Variants in SUMF1 observed in about 807,000 individuals in gnomAD.
SUMF1 encodes the protein formylglycine-generating enzyme.
In SUMF1, 48 loss-of-function variants were observed where a neutral mutation model predicts 47.6. The observed-to-expected ratio is 1.01, with a 90% CI of 0.80 to 1.28. The LOEUF (loss-of-function observed/expected upper bound fraction) is 1.28, where lower values mean the gene tolerates loss of function less well. Ranked by LOEUF, SUMF1 falls within the 50% of genes most tolerant of loss-of-function variation. The pLI is 0.00. For missense variants in SUMF1, 571 were observed against 485.4 expected (o/e 1.18, Z -1.66); for synonymous variants, 230 against 192.1 (o/e 1.20, Z -1.63).
chr3:4,317,175 G>A lies in SUMF1; in HGVS notation c.1014+59155C>T, dbSNP rs114846657. ...CGAATCCCAAAGCACGGATTTTTACGCTACAGGAATAAACCAACTTATTTC... is the reference window on the plus strand; with the variant it reads ...CGAATCCCAAAGCACGGATTTTTACACTACAGGAATAAACCAACTTATTTC... On this transcript the variant is annotated intron_variant and NMD_transcript_variant, in intron 8 of 12. Transcript: ENST00000448413. The A allele has an allele frequency of 8.6e-4, 1,326 of 1,549,924 alleles. 11 individuals carry two copies. The African/African-American group carries it at 0.016, about 19-fold the overall frequency.
chr3:4,224,412 TC>T (rs1696131186), intron 8 of SUMF1, among the ~76,000 whole-genome samples: 1 of 151,998 alleles, frequency 6.6e-6, no homozygotes, highest in African/African-American at 2.4e-5. Context: ...AGTTTTTGGC[TC>T]CCTAGCATAT....
chr3:4,129,653 A>C (rs1693739202), intron 8 of SUMF1, among the ~76,000 whole-genome samples: 1 of 152,132 alleles, frequency 6.6e-6, no homozygotes, highest in African/African-American at 2.4e-5. Flanking sequence ...GGAGACCTCC[A>C]GCCGTTTACC....
intron 8 of SUMF1, among the ~76,000 whole-genome samples, chr3:4,271,193 A>G (rs1387047961): frequency 6.6e-6 from 1 of 152,196 alleles, no homozygotes; most frequent in Non-Finnish European, 1.5e-5. Context: ...TATGAGGAAA[A>G]GTTTTTAACT....
intron 7 of SUMF1, among the ~76,000 whole-genome samples, chr3:4,391,324 A>C (rs1228977090): frequency 6.6e-6 from 1 of 152,122 alleles, no homozygotes; most frequent in Admixed American, 6.5e-5. Context: ...ATCTTCATCA[A>C]ATTTGGGAAA....
At chr3:4,270,859 TA>T (rs1355662752) in intron 8 of SUMF1, among the ~76,000 whole-genome samples, 1 of 152,214 alleles carries the variant, frequency 6.6e-6, no homozygotes, top group Non-Finnish European at 1.5e-5. Context: ...TTGGTATTCT[TA>T]AATAGCATTT....
chr3:4,388,580 G>C (rs937369441), intron 7 of SUMF1, among the ~76,000 whole-genome samples: 1 of 151,864 alleles, frequency 6.6e-6, no homozygotes, highest in African/African-American at 2.4e-5. Flanking sequence ...GTATGTCAAA[G>C]ACTTAAGTCT....
intron 3 of SUMF1, 101 bp downstream of exon 3, chr3:4,449,165 T>C: frequency 7.9e-7 from 1 of 1,260,506 alleles, no homozygotes; most frequent in Non-Finnish European, 1.2e-6. Flanking sequence ...TGGTTAGGTG[T>C]TACAGGGAGA....
chr3:4,338,275 T>C (rs9863754), intron 8 of SUMF1, among the ~76,000 whole-genome samples: 77,618 of 150,944 alleles, frequency 0.51, 20,089 homozygotes, highest in Admixed American at 0.57. Flanking sequence ...CCCTGTCTCT[T>C]TATTAAAAAG....
chr3:4,324,286 T>C (rs186671728), intron 8 of SUMF1, among the ~76,000 whole-genome samples: 163 of 152,274 alleles, frequency 1.1e-3, no homozygotes, highest in South Asian at 2.3e-3. Flanking sequence ...TCATTGTTAA[T>C]AGAATACCAA....
intron 7 of SUMF1, among the ~76,000 whole-genome samples, chr3:4,381,752 T>C (rs942476590): frequency 1.3e-5 from 2 of 152,130 alleles, no homozygotes; most frequent in South Asian, 2.1e-4. Flanking sequence ...TATCACTATG[T>C]CAAAAATCTT....
chr3:4,350,437 G>A (rs1699475714), intron 8 of SUMF1, among the ~76,000 whole-genome samples: 1 of 151,784 alleles, frequency 6.6e-6, no homozygotes, highest in East Asian at 1.9e-4. Context: ...TAGTATAAAT[G>A]TTTGTAAATA....
intron 8 of SUMF1, among the ~76,000 whole-genome samples, chr3:4,179,964 T>A (rs73120432): frequency 6.6e-6 from 1 of 151,932 alleles, no homozygotes; most frequent in African/African-American, 2.4e-5. Flanking sequence ...CACTGGTCAT[T>A]AGAGAAACAC....
At chr3:4,071,616 G>A (rs951595439) in intron 8 of SUMF1, among the ~76,000 whole-genome samples, 4 of 152,192 alleles carry the variant, frequency 2.6e-5, no homozygotes, top group African/African-American at 9.7e-5. Context: ...GAGCTTAGTG[G>A]GGGGAGGGGC....
At chr3:4,196,814 T>C (rs1195030914) in intron 8 of SUMF1, among the ~76,000 whole-genome samples, 1 of 152,150 alleles carries the variant, frequency 6.6e-6, no homozygotes, top group Non-Finnish European at 1.5e-5. Flanking sequence ...AGAGATTAAA[T>C]ACTAGGGAAC....
At chr3:4,343,884 A>G (rs1699320927) in intron 8 of SUMF1, among the ~76,000 whole-genome samples, 1 of 152,244 alleles carries the variant, frequency 6.6e-6, no homozygotes, top group Non-Finnish European at 1.5e-5. Flanking sequence ...AATTTTAACA[A>G]TGAAAACTGG....
chr3:4,447,788 CT>C (rs1702831565), intron 3 of SUMF1, among the ~76,000 whole-genome samples: 2 of 152,166 alleles, frequency 1.3e-5, no homozygotes, highest in Non-Finnish European at 2.9e-5. Flanking sequence ...TGTCCTCATC[CT>C]AGTCACAAGC....
chr3:4,091,401 G>C (rs1208938822), intron 8 of SUMF1, among the ~76,000 whole-genome samples: 1 of 152,100 alleles, frequency 6.6e-6, no homozygotes, highest in Non-Finnish European at 1.5e-5. Flanking sequence ...GTATATTTGT[G>C]TATATGTGCA....
intron 8 of SUMF1, among the ~76,000 whole-genome samples, chr3:4,203,326 T>A (rs1695580424): frequency 1.3e-5 from 2 of 151,988 alleles, no homozygotes; most frequent in Non-Finnish European, 2.9e-5. Flanking sequence ...TTCACTTCTT[T>A]ATCATTAATG....
intron 8 of SUMF1, among the ~76,000 whole-genome samples, chr3:4,335,548 G>T (rs1047957959): frequency 2.6e-5 from 4 of 152,210 alleles, no homozygotes; most frequent in African/African-American, 9.6e-5. Context: ...TTCTGCAGCA[G>T]AATTAACCTC....
Sources: gnomAD v4.1 joint callset for allele counts (sites outside exome capture counted in the v4.1 genomes callset) on GRCh38, gnomAD v4.1.1 for gene constraint, MANE v1.5 for transcripts, NCBI Gene and HGNC (gene_info 2026-07-23, HGNC 2026-07-21) for gene names.